ATP5MJ: variants seen among roughly 807,000 people sequenced by gnomAD.
ATP5MJ encodes the protein ATP synthase F(0) complex subunit j, mitochondrial.
Under a neutral mutation model 8.3 loss-of-function variants are expected in ATP5MJ, and 4 were observed. The observed-to-expected ratio is 0.48, with a 90% CI of 0.24 to 1.11. ATP5MJ has a LOEUF of 1.11. ATP5MJ is among the 50% of genes least tolerant of loss of function. The pLI, the probability that ATP5MJ is intolerant of heterozygous loss-of-function variation, is 0.18. For synonymous variants in ATP5MJ, 23 were observed against 21.3 expected (o/e 1.08, Z -0.23); for missense variants, 66 against 71.8 (o/e 0.92, Z 0.29).
chr14:103,914,851 AAAAAAAG>A lies in ATP5MJ; in HGVS notation c.124+208_124+214del, dbSNP rs1354843217. On this transcript the variant is annotated intron_variant, in intron 2 of 3. Coordinates refer to ENST00000286953, the MANE Select transcript of ATP5MJ (RefSeq NM_004894.3). The stretch of plus-strand genomic sequence containing the variant: ...GAGACTGTCTCCAAAAAAAAAAAAA[AAAAAAAG>A]AAAAGAAAAGAAAAAAAAAATTCCC... 2.9e-4 allele frequency: 131 copies of A among 455,728 alleles called. 1 individual carries two copies. The highest frequency in any genetic ancestry group is 2.1e-3 in the African/African-American group (98 of 47,428). The allele number at this position is 455,728 out of a possible 1,614,324, so 28.2% of individuals were successfully genotyped here. A position where few individuals can be genotyped will look rare whatever the true frequency, so the allele number is the denominator to read the frequency against.
At chr14:103,919,716 A>C (rs1761962181) in intron 1 of ATP5MJ, among the ~76,000 whole-genome samples, 1 of 152,210 alleles carries the variant, frequency 6.6e-6, no homozygotes, top group Non-Finnish European at 1.5e-5. Context: ...CCAGTGCAAC[A>C]GGGGCCTGCT....
intron 2 of ATP5MJ, chr14:103,914,555 C>G (rs1188621007): frequency 1.7e-5 from 12 of 687,866 alleles, no homozygotes; most frequent in Non-Finnish European, 3.2e-5. Context: ...AATTCCAGCA[C>G]TTTGGGAAGC....
chr14:103,912,712 TATATAA>T lies in ATP5MJ; in HGVS notation c.149-24_149-19del. 6.2e-7 allele frequency: 1 copy of T among 1,611,462 alleles called. No individual in the cohort carries two copies. Among genetic ancestry groups the T allele is most frequent in the Non-Finnish European group, 8.5e-7 (1 of 1,177,926 alleles). ...CGCTGAAGCTTTTGAAAGAGATGCA[TATATAA>T]ATATGATTTAAGAAGGAAGGAACAA... is the stretch of plus-strand genomic sequence containing the variant. On this transcript the variant is annotated intron_variant, in intron 3 of 3. Coordinates refer to ENST00000286953, the MANE Select transcript of ATP5MJ (RefSeq NM_004894.3).
intron 2 of ATP5MJ, chr14:103,914,849 A>AG (rs1555454100): frequency 4.1e-5 from 15 of 365,014 alleles, no homozygotes; most frequent in East Asian, 2.7e-4. Flanking sequence ...AAAAAAAAAA[A>AG]AAAAAAAAGA....
chr14:103,916,042 T>C (rs1197270961), intron 1 of ATP5MJ, among the ~76,000 whole-genome samples: 1 of 152,200 alleles, frequency 6.6e-6, no homozygotes, highest in African/African-American at 2.4e-5. Context: ...GGTGATTTCC[T>C]TGTGAAACTA....
At chr14:103,921,415 C>T in intron 1 of ATP5MJ, 55 bp downstream of exon 1, 1 of 228,574 alleles carries the variant, frequency 4.4e-6, no homozygotes, top group Non-Finnish European at 8.9e-6. Context: ...GCTTCTCGCC[C>T]TCCCGCCCCC....
intron 2 of ATP5MJ, 165 bp downstream of exon 2, chr14:103,914,901 T>C (rs2087612958): frequency 3.9e-6 from 3 of 772,160 alleles, no homozygotes; most frequent in Non-Finnish European, 5.9e-6. Context: ...CCCAAATGTC[T>C]TTTATAGCTG....
intron 3 of ATP5MJ, chr14:103,913,580 C>A: frequency 3.1e-6 from 1 of 325,524 alleles, no homozygotes; most frequent in South Asian, 9.6e-5. Flanking sequence ...CACTGCAGTC[C>A]AGCCTGGGCG....
In ATP5MJ at chr14:103,915,169, T is replaced by C. The variant is rs2152107413; in HGVS notation, c.21A>G (p.Lys7=). The C allele has an allele frequency of 6.2e-7, 1 of 1,613,668 alleles. No individual in the cohort carries two copies. The highest frequency in any genetic ancestry group is 2.2e-5 in the East Asian group (1 of 44,876). The change falls in exon 2 of 4, where the codon AAA becomes AAG. Residue 7 remains lysine (K), a synonymous_variant. Transcript: ENST00000286953. The stretch of plus-strand genomic sequence containing the variant: ...AGGGCTTCATGGGGATCCATATGTT[T>C]TTAATAATACTTTGAAGCATCTGAA... The part of the protein sequence containing the change: MLQSII[K]NIWIPMKPYY...
At chr14:103,920,593 T>C (rs1258844559) in intron 1 of ATP5MJ, among the ~76,000 whole-genome samples, 3 of 148,002 alleles carry the variant, frequency 2.0e-5, no homozygotes, top group Non-Finnish European at 4.5e-5. Flanking sequence ...TGCCTCAGCC[T>C]CCCGAGTAGC....
chr14:103,914,848 AAAAAAAAAAG>A (rs2087611289), intron 2 of ATP5MJ: 5 of 438,452 alleles, frequency 1.1e-5, no homozygotes, highest in East Asian at 4.6e-5. Context: ...AAAAAAAAAA[AAAAAAAAAAG>A]AAAAGAAAAG....
At chr14:103,914,696 G>A (rs28493894) in intron 2 of ATP5MJ, 8,659 of 561,210 alleles carry the variant, frequency 0.015, 417 homozygotes, top group Admixed American at 0.13. Context: ...GCATAGTGAC[G>A]GGCACCTGTG....
At chr14:103,915,314 G>C in intron 1 of ATP5MJ, 125 bp from the exon 2 acceptor site, 1 of 1,077,992 alleles carries the variant, frequency 9.3e-7, no homozygotes, top group Non-Finnish European at 1.3e-6. Flanking sequence ...GCCTGTGTCA[G>C]ATGTCAGACC....
chr14:103,914,050 T>C, intron 2 of ATP5MJ, 66 bp from the exon 3 acceptor site: 1 of 1,469,694 alleles, frequency 6.8e-7, no homozygotes, highest in Non-Finnish European at 9.4e-7. Flanking sequence ...TTTGTCAAAA[T>C]TAACATTTAG....
chr14:103,915,176 A>G lies in ATP5MJ; in HGVS notation c.14T>C (p.Ile5Thr), dbSNP rs368692211. 144 of 1,613,304 alleles carry G rather than the reference A, an allele frequency of 8.9e-5. No homozygotes were observed. The highest frequency in any genetic ancestry group is 1.0e-4 in the Non-Finnish European group (119 of 1,179,594). MLQS[I>T]IKNIWIPMKP... ...CATGGGGATCCATATGTTTTTAATA[A>G]TACTTTGAAGCATCTGAAAATGAAC... The change falls in exon 2 of 4, where the codon ATT (isoleucine) becomes ACT (threonine). Residue 5 changes from isoleucine (I) to threonine (T), a missense_variant. Physicochemically the swap from Ile to Thr is moderately conservative, Grantham distance 89. Transcript: ENST00000286953.
chr14:103,913,965 C>T lies in ATP5MJ; in HGVS notation c.144G>A (p.Leu48=). The T allele has an allele frequency of 1.2e-6, 2 of 1,612,142 alleles. No individual in the cohort carries two copies. The highest frequency in any genetic ancestry group is 1.7e-6 in the Non-Finnish European group (2 of 1,178,826). Residue 48 remains leucine (L), a synonymous_variant, in exon 3 of 4, where the codon TTG becomes TTA. Coordinates refer to ENST00000286953, the MANE Select transcript of ATP5MJ (RefSeq NM_004894.3). ...TTTCAGAAGCAAAAATCTTACCTTT[C>T]AAAGCCTTACTTCTTTTATCTAAAA... is the stretch of plus-strand genomic sequence containing the variant. ...IRAADKRSKA[L]KASAPAPGHH is the part of the protein sequence containing the mutation.
chr14:103,917,864 T>C (rs1301601083), intron 1 of ATP5MJ: 1 of 152,206 alleles, frequency 6.6e-6, no homozygotes, highest in Non-Finnish European at 1.5e-5. Flanking sequence ...CCGCAGCAGG[T>C]TAGCAGGACT....
rs1567184915 is a variant in ATP5MJ at position 103,912,400 on chromosome 14, G to A, written c.*266C>T. 1 of 456,894 alleles carries A rather than the reference G, an allele frequency of 2.2e-6. No individual in the cohort carries two copies. Among genetic ancestry groups the A allele is most frequent in the Non-Finnish European group, 3.9e-6 (1 of 254,806 alleles). 28.3% of individuals were successfully genotyped at this position (456,894 alleles called of 1,614,324 possible). A position where few individuals can be genotyped will look rare whatever the true frequency, so the allele number is the denominator to read the frequency against. On this transcript the variant is annotated 3_prime_UTR_variant, in exon 4 of 4. Coordinates refer to ENST00000286953, the MANE Select transcript of ATP5MJ (RefSeq NM_004894.3). ...CTGAGGTAATTATTTCACAATGATGGGTGGCTCAGTGAGATTCTGATTGCA... is the reference window on the plus strand; with the variant it reads ...CTGAGGTAATTATTTCACAATGATGAGTGGCTCAGTGAGATTCTGATTGCA...
At chr14:103,914,868 G>GAAAAAAAAAAAAAAAAA in intron 2 of ATP5MJ, 198 bp downstream of exon 2, 2 of 327,794 alleles carry the variant, frequency 6.1e-6, no homozygotes, top group Non-Finnish European at 1.0e-5. Flanking sequence ...GAAAAGAAAA[G>GAAAAAAAAAAAAAAAAA]AAAAAAAAAA....
Sources: allele counts gnomAD v4.1 joint callset (sites outside exome capture counted in the v4.1 genomes callset), GRCh38; gene constraint gnomAD v4.1.1; transcripts MANE v1.5; gene names NCBI Gene and HGNC (gene_info 2026-07-23, HGNC 2026-07-21).